Variants in BRCA2 observed in about 807,000 individuals in gnomAD.
BRCA2 encodes the protein BRCA2 DNA repair associated.
In BRCA2, 203 loss-of-function variants were observed where a neutral mutation model predicts 276.7. The ratio of observed to expected loss-of-function variants is 0.73; its 90% confidence interval spans 0.65 to 0.82. The LOEUF is 0.82. Ranked by LOEUF, BRCA2 falls within the 40% of genes least tolerant of loss-of-function variation. The probability of loss-of-function intolerance (pLI) is 0.00; values close to 1 mark genes in which losing one functional copy is unlikely to be tolerated. For synonymous variants in BRCA2, 1,289 were observed against 1,338.4 expected, an observed-to-expected ratio of 0.96 and a Z score of 0.81; for missense variants, 3,920 against 3,915.0, an observed-to-expected ratio of 1.00 and a Z score of -0.03.
chr13:32,368,275 C>T (rs1012416557), intron 18 of BRCA2, among the ~76,000 whole-genome samples: 2 of 151,852 alleles, frequency 1.3e-5, no homozygotes, highest in East Asian at 1.9e-4. Context: ...CCGCCTTGGC[C>T]TCCCAAAGTG....
rs747906969 is a variant in BRCA2 at position 32,362,512 on chromosome 13, T to G, written c.7806-11T>G. On this transcript the variant is annotated splice_polypyrimidine_tract_variant and intron_variant, in intron 16 of 26. Transcript: ENST00000380152. ...GGTTTTTATGATAATATTCTACTTT[T>G]ATTTGTTCAGGGCTCTGTGTGACAC... 2 of 1,612,528 alleles carry G rather than the reference T, an allele frequency of 1.2e-6. No homozygotes were observed. Among genetic ancestry groups the G allele is most frequent in the South Asian group, 2.2e-5 (2 of 91,032 alleles).
intron 11 of BRCA2, among the ~76,000 whole-genome samples, chr13:32,341,461 A>G (rs569026258): frequency 2.0e-5 from 3 of 152,314 alleles, no homozygotes; most frequent in East Asian, 1.9e-4. Flanking sequence ...TATATTTTCA[A>G]AAAGATTATT....
Position 32,364,960 on chromosome 13 carries a change from G to A in BRCA2, c.8331+1427G>A, listed in dbSNP as rs1016903648. Reference sequence around the variant, plus strand: ...TTTTAAGGGCCCACAACTCTCAGAGGCTTGTTGGGAAAAGGAGCATGCAAG... The same window carrying A: ...TTTTAAGGGCCCACAACTCTCAGAGACTTGTTGGGAAAAGGAGCATGCAAG... On this transcript the variant is annotated intron_variant, in intron 18 of 26. Transcript: ENST00000380152. Among the ~76,000 whole-genome samples the A allele has an allele frequency of 2.0e-5, 3 of 152,060 alleles. No homozygotes were observed. In the East Asian group the frequency reaches 5.8e-4, roughly 29 times the overall value.
In BRCA2 at chr13:32,332,453, T is replaced by G. The variant is rs1381809570; in HGVS notation, c.975T>G (p.Thr325=). Residue 325 remains threonine, a synonymous_variant, in exon 10 of 27, where the codon ACT becomes ACG. Transcript: ENST00000380152. ...CAAAAAATCTACAAAAAGTAAGAACTAGCAAGACTAGGAAAAAAATTTTCC... is the reference window on the plus strand; with the variant it reads ...CAAAAAATCTACAAAAAGTAAGAACGAGCAAGACTAGGAAAAAAATTTTCC... ...CRTKNLQKVR[T]SKTRKKIFHE... is the part of the protein sequence containing the mutation. 2.5e-6 allele frequency: 4 copies of G among 1,591,722 alleles called. No homozygotes were observed. Among genetic ancestry groups the G allele is most frequent in the Non-Finnish European group, 3.4e-6 (4 of 1,173,124 alleles).
At chr13:32,386,165 A>G (rs541705491) in intron 24 of BRCA2, 11 of 152,964 alleles carry the variant, frequency 7.2e-5, no homozygotes, top group African/African-American at 2.6e-4. Flanking sequence ...TAACGTGCTA[A>G]TCAAGGCTGA....
intron 26 of BRCA2, 53 bp from the exon 27 acceptor site, chr13:32,398,108 GT>G: frequency 6.5e-7 from 1 of 1,545,024 alleles, no homozygotes; most frequent in Non-Finnish European, 8.8e-7. Flanking sequence ...CTTTGATTTA[GT>G]TTTTTATGTT....
chr13:32,396,791 C>CT, intron 25 of BRCA2, 107 bp from the exon 26 acceptor site: 1 of 1,418,854 alleles, frequency 7.0e-7, no homozygotes, highest in Non-Finnish European at 9.9e-7. Flanking sequence ...GTTTTTCATT[C>CT]TTTTTTGGTC....
At position 32,340,142 on chromosome 13, in the gene BRCA2, T is replaced by G. The variant is rs765881070; in HGVS notation, c.5787T>G (p.Ile1929Met). The change falls in exon 11 of 27, where the codon ATT (isoleucine) becomes ATG (methionine). Residue 1929 changes from isoleucine (I) to methionine (M), a missense_variant. Physicochemically the swap from Ile to Met is conservative, Grantham distance 10. Transcript: ENST00000380152. ...KVFADIQSEE[I>M]LQHNQNMSGL... ...TTGCTGACATTCAGAGTGAAGAAAT[T>G]TTACAACATAACCAAAATATGTCTG... 6 of 1,613,202 alleles carry G rather than the reference T, an allele frequency of 3.7e-6. No individual in the cohort carries two copies. Among genetic ancestry groups the G allele is most frequent in the Non-Finnish European group, 5.1e-6 (6 of 1,179,540 alleles).
At chr13:32,343,049 A>G (rs1404768771) in intron 11 of BRCA2, among the ~76,000 whole-genome samples, 1 of 81,674 alleles carries the variant, frequency 1.2e-5, no homozygotes, top group African/African-American at 5.0e-5. Context: ...ACTCCATCTG[A>G]AAAAAAAAAA....
Position 32,371,041 on chromosome 13 carries a change from A to G in BRCA2, c.8573A>G (p.Gln2858Arg), listed in dbSNP as rs80359114. Residue 2858 changes from glutamine to arginine, a missense_variant, in exon 20 of 27, where the codon CAA (glutamine) becomes CGA (arginine). This residue lies in a region of BRCA2 where 657 missense variants were observed against 758.2 expected (regional missense o/e 0.87). Coordinates refer to ENST00000380152, the MANE Select transcript of BRCA2 (RefSeq NM_000059.4). ...EKEAAKYVEAQQKRLEALFTK... is the reference protein window; with the variant it reads ...EKEAAKYVEARQKRLEALFTK... ...GAAGCAGCAAAATATGTGGAGGCCC[A>G]ACAAAAGAGACTAGAAGCCTTATTC... 2.0e-5 allele frequency: 33 copies of G among 1,614,092 alleles called. No homozygotes were observed. The highest frequency in any genetic ancestry group is 2.7e-5 in the Non-Finnish European group (32 of 1,180,020).
intron 3 of BRCA2, among the ~76,000 whole-genome samples, chr13:32,322,497 G>T (rs1168389218): frequency 6.6e-6 from 1 of 152,164 alleles, no homozygotes; most frequent in East Asian, 1.9e-4. Flanking sequence ...GATGGGTCTG[G>T]CTAGTTATCT....
chr13:32,372,348 T>C (rs2072840387), intron 20 of BRCA2, among the ~76,000 whole-genome samples: 2 of 152,182 alleles, frequency 1.3e-5, no homozygotes, highest in South Asian at 4.1e-4. Flanking sequence ...CACACTGCTA[T>C]AAAGAATACC....
chr13:32,371,122 A>T (rs2137601345), intron 20 of BRCA2, 22 bp downstream of exon 20: 1 of 1,609,072 alleles, frequency 6.2e-7, no homozygotes, highest in Non-Finnish European at 8.5e-7. Flanking sequence ...TATATGGTAC[A>T]CATTGTTATT....
rs1555284510 is a variant in BRCA2 at position 32,340,397 on chromosome 13, A to G, written c.6042A>G (p.Val2014=). 2 of 1,613,644 alleles carry G rather than the reference A, an allele frequency of 1.2e-6. No individual in the cohort carries two copies. The highest frequency in any genetic ancestry group is 8.5e-7 in the Non-Finnish European group (1 of 1,179,736). ...GTACCAAGCAAGTCTTTTCCAAAGT[A>G]TTGTTTAAAAGTAACGAACATTCAG... ...EDSTKQVFSK[V]LFKSNEHSDQ... The change falls in exon 11 of 27, where the codon GTA becomes GTG. Residue 2014 remains valine, a synonymous_variant. Transcript: ENST00000380152.
intron 2 of BRCA2, among the ~76,000 whole-genome samples, chr13:32,318,502 C>T (rs193152583): frequency 1.9e-3 from 290 of 151,572 alleles, no homozygotes; most frequent in Non-Finnish European, 3.3e-3. Flanking sequence ...AATGCAGTGG[C>T]GTGATCTCGG....
rs542845351 is a variant in BRCA2 at position 32,329,817 on chromosome 13, T to TATA, written c.681+326_681+327insTAA. On this transcript the variant is annotated intron_variant, in intron 8 of 26. Transcript: ENST00000380152. ...AAAATGTGTAGTATTTATATATATA[T>TATA]ACCTATAATCTTTTTTTCTATAAGC... Among the ~76,000 whole-genome samples the TATA allele has an allele frequency of 2.6e-3, 399 of 151,984 alleles. 3 individuals carry two copies. Among genetic ancestry groups the TATA allele is most frequent in the African/African-American group, 9.3e-3 (385 of 41,474 alleles).
rs80359525 is a variant in BRCA2, at chr13:32,339,965, CAGTAA to C, written c.5616_5620del (p.Lys1872AsnfsTer2). Reference sequence around the variant, plus strand: ...TGAAAGACATATTTACAGACAGTTTCAGTAAAGTAATTAAGGAAAACAACGAGAAT... The same window carrying C: ...TGAAAGACATATTTACAGACAGTTTCAGTAATTAAGGAAAACAACGAGAAT... On this transcript the variant is annotated frameshift_variant, in exon 11 of 27. Coordinates refer to ENST00000380152, the MANE Select transcript of BRCA2 (RefSeq NM_000059.4). LOFTEE classifies it high-confidence loss of function. The C allele has an allele frequency of 2.5e-6, 4 of 1,610,278 alleles. No homozygotes were observed. The African/African-American group carries it at 4.0e-5, about 16-fold the overall frequency.
At chr13:32,344,674 A>T (rs2137537569) in intron 12 of BRCA2, 21 bp downstream of exon 12, 1 of 1,464,470 alleles carries the variant, frequency 6.8e-7, no homozygotes, top group South Asian at 1.1e-5. Context: ...CTTTTTATTT[A>T]TATCTGTTCT....
Position 32,398,927 on chromosome 13 carries a change from G to GAT in BRCA2, c.*157_*158insAT. 3 of 921,980 alleles carry GAT rather than the reference G, an allele frequency of 3.3e-6. No homozygotes were observed. The highest frequency in any genetic ancestry group is 3.1e-6 in the Non-Finnish European group (2 of 640,232). 57.1% of individuals were successfully genotyped at this position (921,980 alleles called of 1,614,324 possible). A position where few individuals can be genotyped will look rare whatever the true frequency, so the allele number is the denominator to read the frequency against. Reference sequence around the variant, plus strand: ...AGCGTTTGTGTATCGGGCAAAAATCGTTTTGCCCGATTCCGTATTGGTATA... The same window carrying GAT: ...AGCGTTTGTGTATCGGGCAAAAATCGATTTTTGCCCGATTCCGTATTGGTATA... On this transcript the variant is annotated 3_prime_UTR_variant, in exon 27 of 27. Transcript: ENST00000380152.
Sources: gnomAD v4.1 joint callset for allele counts (sites outside exome capture counted in the v4.1 genomes callset) on GRCh38, gnomAD v4.1.1 for gene constraint, gnomAD v4.1.1 regional missense constraint, MANE v1.5 for transcripts, NCBI Gene and HGNC (gene_info 2026-07-23, HGNC 2026-07-21) for gene names.